Variants in VCPKMT observed in about 807,000 individuals in gnomAD.
The protein encoded by VCPKMT is protein N-lysine methyltransferase METTL21D.
A neutral mutation model predicts 28.6 loss-of-function variants in VCPKMT; 32 were observed. That is an observed-to-expected ratio of 1.12 (90% CI 0.84 to 1.50). The LOEUF is 1.50. VCPKMT is among the 40% of genes most tolerant of loss of function. The probability of loss-of-function intolerance (pLI) is 0.00; values close to 1 mark genes in which losing one functional copy is unlikely to be tolerated. For synonymous variants in VCPKMT, 138 were observed against 111.4 expected (o/e 1.24, Z -1.50); for missense variants, 366 against 285.0 (o/e 1.28, Z -2.05).
chr14:50,106,739 A>G (rs1175671409), downstream of VCPKMT: 1 of 648,922 alleles, frequency 1.5e-6, no homozygotes, highest in Non-Finnish European at 1.9e-6. Flanking sequence ...TTTTTTTGAG[A>G]TAGGGTCTCA....
intron 1 of VCPKMT, 49 bp from the exon 2 acceptor site, chr14:50,116,228 A>G: frequency 6.2e-7 from 1 of 1,612,656 alleles, no homozygotes; most frequent in Non-Finnish European, 8.5e-7. Flanking sequence ...GAAAGCCTGT[A>G]ATCCGGATTT....
chr14:50,114,425 T>A (rs1355831024), intron 3 of VCPKMT, 21 bp from the exon 4 acceptor site: 2 of 1,418,092 alleles, frequency 1.4e-6, no homozygotes, highest in East Asian at 5.4e-5. Context: ...AAGAATATAT[T>A]TTTTGTTTTT....
At chr14:50,113,980 CATT>C (rs147184228) in intron 4 of VCPKMT, among the ~76,000 whole-genome samples, 18 of 152,280 alleles carry the variant, frequency 1.2e-4, no homozygotes, top group East Asian at 5.8e-4. Context: ...ATACATACAT[CATT>C]GAGATGTTCC....
downstream of VCPKMT, among the ~76,000 whole-genome samples, chr14:50,107,590 C>T (rs947751124): frequency 4.6e-5 from 7 of 152,158 alleles, no homozygotes; most frequent in Non-Finnish European, 7.3e-5. Context: ...AGCCACCGCG[C>T]GTGGGGCCTA....
downstream of VCPKMT, among the ~76,000 whole-genome samples, chr14:50,105,604 C>T (rs887616194): frequency 7.9e-5 from 12 of 152,198 alleles, no homozygotes; most frequent in Admixed American, 1.3e-4. Context: ...GCACTCCAGC[C>T]TGGGTGACAG....
chr14:50,114,261 GATAAT>G lies in VCPKMT; in HGVS notation c.570+19_570+23del, dbSNP rs1255850073. The G allele has an allele frequency of 6.5e-7, 1 of 1,529,566 alleles. No homozygotes were observed. Among genetic ancestry groups the G allele is most frequent in the South Asian group, 1.3e-5 (1 of 74,178 alleles). The allele number at this position is 1,529,566 out of a possible 1,614,324, so 94.7% of individuals were successfully genotyped here. A position where few individuals can be genotyped will look rare whatever the true frequency, so the allele number is the denominator to read the frequency against. On this transcript the variant is annotated intron_variant, in intron 4 of 5. Transcript: ENST00000395860. ...CCCCCTGAAGGGAAATCACTACAAA[GATAAT>G]AGAGTACTTAATACTTACCTCAAAA...
At chr14:50,114,053 C>G (rs543620486) in intron 4 of VCPKMT, among the ~76,000 whole-genome samples, 1 of 152,026 alleles carries the variant, frequency 6.6e-6, no homozygotes, top group South Asian at 2.1e-4. Flanking sequence ...GAGTGGCACC[C>G]GTATTAACAT....
downstream of VCPKMT, among the ~76,000 whole-genome samples, chr14:50,108,128 GC>G (rs1409062529): frequency 6.8e-6 from 1 of 146,752 alleles, no homozygotes; most frequent in Non-Finnish European, 1.5e-5. Flanking sequence ...AGAGTAGGTT[GC>G]AGTGAGCCAA....
At chr14:50,107,181 C>T (rs1882355427), downstream of VCPKMT, among the ~76,000 whole-genome samples, 1 of 152,262 alleles carries the variant, frequency 6.6e-6, no homozygotes, top group Non-Finnish European at 1.5e-5. Flanking sequence ...GGAGCATGTT[C>T]TCTGAACTGG....
chr14:50,115,008 A>G (rs1445838397), intron 3 of VCPKMT, among the ~76,000 whole-genome samples: 2 of 152,214 alleles, frequency 1.3e-5, no homozygotes, highest in Admixed American at 6.5e-5. Context: ...CTTACTCTTA[A>G]AAGTTTAATT....
chr14:50,110,808 A>G (rs981580551), intron 5 of VCPKMT, among the ~76,000 whole-genome samples: 1 of 152,224 alleles, frequency 6.6e-6, no homozygotes, highest in African/African-American at 2.4e-5. Flanking sequence ...ACATAAAGGA[A>G]TATTATTCAG....
the VCPKMT span, among the ~76,000 whole-genome samples, chr14:50,103,333 C>T: frequency 6.6e-6 from 1 of 152,236 alleles, no homozygotes; most frequent in Non-Finnish European, 1.5e-5. Flanking sequence ...CAAGAAACAA[C>T]TGCTACAAAC....
downstream of VCPKMT, among the ~76,000 whole-genome samples, chr14:50,105,029 T>C (rs1882275848): frequency 6.6e-6 from 1 of 151,456 alleles, no homozygotes. Context: ...ACTCAAAAGG[T>C]AGGCTTTTTT....
chr14:50,105,210 T>C (rs1566800849), downstream of VCPKMT, among the ~76,000 whole-genome samples: 1 of 152,222 alleles, frequency 6.6e-6, no homozygotes, highest in South Asian at 2.1e-4. Flanking sequence ...TTAAAATACC[T>C]ATAATCTGTC....
chr14:50,114,861 C>G (rs1265108896), intron 3 of VCPKMT, among the ~76,000 whole-genome samples: 1 of 152,008 alleles, frequency 6.6e-6, no homozygotes, highest in Non-Finnish European at 1.5e-5. Flanking sequence ...AAAACAAAAA[C>G]AAACAAACAA....
chr14:50,103,617 C>T, the VCPKMT span, among the ~76,000 whole-genome samples: 1 of 152,120 alleles, frequency 6.6e-6, no homozygotes, highest in Non-Finnish European at 1.5e-5. Flanking sequence ...TATTGGCCTT[C>T]GAATGCTCGT....
the VCPKMT span, among the ~76,000 whole-genome samples, chr14:50,103,384 T>C: frequency 6.6e-6 from 1 of 152,232 alleles, no homozygotes; most frequent in African/African-American, 2.4e-5. Context: ...TTAATAAATA[T>C]AAACTCTGAA....
intron 4 of VCPKMT, chr14:50,113,435 G>A (rs1882842661): frequency 6.6e-6 from 1 of 152,062 alleles, no homozygotes; most frequent in South Asian, 2.1e-4. Context: ...CAAAACTGCA[G>A]GCCTATATAG....
In VCPKMT at chr14:50,108,954, A is replaced by C; in HGVS notation, c.*745T>G. Reference sequence around the variant, plus strand: ...AGTGCATGAGCCACGTAAGTGCATAAGCCTGAAACTGGTCTTTCTATTCTC... The same window carrying C: ...AGTGCATGAGCCACGTAAGTGCATACGCCTGAAACTGGTCTTTCTATTCTC... On this transcript the variant is annotated 3_prime_UTR_variant, in exon 6 of 6. Transcript: ENST00000395860. 6.1e-6 allele frequency: 6 copies of C among 985,448 alleles called. No homozygotes were observed. Among genetic ancestry groups the C allele is most frequent in the Non-Finnish European group, 7.2e-6 (6 of 829,910 alleles). 61.0% of individuals were successfully genotyped at this position (985,448 alleles called of 1,614,324 possible).
Sources: gnomAD v4.1 joint callset for allele counts (sites outside exome capture counted in the v4.1 genomes callset) on GRCh38, gnomAD v4.1.1 for gene constraint, MANE v1.5 for transcripts, NCBI Gene and HGNC (gene_info 2026-07-23, HGNC 2026-07-21) for gene names.